The following TMEM244 variants were observed in gnomAD, a reference collection of about 807,000 sequenced individuals.
TMEM244 encodes the protein transmembrane protein 244.
In TMEM244, 13 loss-of-function variants were observed where a neutral mutation model predicts 15.8. That is an observed-to-expected ratio of 0.82 (90% CI 0.53 to 1.30). The LOEUF (loss-of-function observed/expected upper bound fraction) is 1.30, where lower values mean the gene tolerates loss of function less well. Ranked by LOEUF, TMEM244 falls within the 50% of genes most tolerant of loss-of-function variation. The pLI is 0.00. For missense variants in TMEM244, 161 were observed against 144.9 expected, an observed-to-expected ratio of 1.11 and a Z score of -0.57; for synonymous variants, 45 against 48.7, an observed-to-expected ratio of 0.92 and a Z score of 0.32.
chr6:129,853,124 A>T (rs913895467), intron 1 of TMEM244, among the ~76,000 whole-genome samples: 1 of 152,206 alleles, frequency 6.6e-6, no homozygotes, highest in Admixed American at 6.5e-5. Flanking sequence ...GGAAAACACA[A>T]GAACATCTCA....
At chr6:129,843,635 C>G (rs750173894) in intron 2 of TMEM244, 32 bp from the exon 3 acceptor site, 1 of 1,498,300 alleles carries the variant, frequency 6.7e-7, no homozygotes, top group East Asian at 2.3e-5. Flanking sequence ...ACAGTTTACT[C>G]TGAATGAGGC....
At chr6:129,841,392 C>T (rs971358290) in intron 3 of TMEM244, among the ~76,000 whole-genome samples, 4 of 127,008 alleles carry the variant, frequency 3.1e-5, no homozygotes, top group South Asian at 4.8e-4. Context: ...GGACACAGGG[C>T]GAGGAACATC....
intron 3 of TMEM244, among the ~76,000 whole-genome samples, chr6:129,839,987 GA>G (rs1385703151): frequency 5.9e-5 from 9 of 152,056 alleles, no homozygotes; most frequent in Non-Finnish European, 1.2e-4. Flanking sequence ...TCAGTATCGT[GA>G]AAATGGCCAT....
At chr6:129,851,629 C>G (rs1776638642) in intron 1 of TMEM244, among the ~76,000 whole-genome samples, 1 of 152,130 alleles carries the variant, frequency 6.6e-6, no homozygotes, top group Non-Finnish European at 1.5e-5. Flanking sequence ...GTGACTCAGA[C>G]AAGTTGAGTG....
intron 1 of TMEM244, among the ~76,000 whole-genome samples, chr6:129,849,062 A>T (rs534039272): frequency 2.6e-4 from 40 of 152,254 alleles, no homozygotes; most frequent in African/African-American, 9.6e-4. Context: ...AAACCTACAA[A>T]TAGTAAATCT....
chr6:129,842,670 T>C (rs1324275298), intron 3 of TMEM244, among the ~76,000 whole-genome samples: 2 of 151,998 alleles, frequency 1.3e-5, no homozygotes, highest in Non-Finnish European at 2.9e-5. Context: ...ATATTAAGAG[T>C]AATTACTGTA....
chr6:129,858,887 G>A (rs770634177), intron 1 of TMEM244, among the ~76,000 whole-genome samples: 2 of 151,544 alleles, frequency 1.3e-5, no homozygotes, highest in Middle Eastern at 3.4e-3. Flanking sequence ...TCTGCCTCCC[G>A]GCTTCAAGGA....
At position 129,831,457 on chromosome 6, in the gene TMEM244, G is replaced by A. The variant is rs1044046782; in HGVS notation, c.320-71C>T. 10 of 1,090,950 alleles carry A rather than the reference G, an allele frequency of 9.2e-6. No homozygotes were observed. In the Admixed American group the frequency reaches 1.1e-4, roughly 12 times the overall value. The allele number at this position is 1,090,950 out of a possible 1,614,324, so 67.6% of individuals were successfully genotyped here. A position where few individuals can be genotyped will look rare whatever the true frequency, so the allele number is the denominator to read the frequency against. Reference sequence around the variant, plus strand: ...ATTTTGCTCAAGAAGAAATACGTCTGTTTGGTCAAATTATATCCACTCAAC... The same window carrying A: ...ATTTTGCTCAAGAAGAAATACGTCTATTTGGTCAAATTATATCCACTCAAC... On this transcript the variant is annotated intron_variant, in intron 4 of 4. Transcript: ENST00000368143.
chr6:129,852,433 G>A (rs1294621479), intron 1 of TMEM244, among the ~76,000 whole-genome samples: 3 of 152,112 alleles, frequency 2.0e-5, no homozygotes, highest in African/African-American at 7.2e-5. Context: ...CAGACAGGAA[G>A]TATGATTCAT....
intron 1 of TMEM244, among the ~76,000 whole-genome samples, chr6:129,853,749 C>A (rs1353812134): frequency 6.6e-6 from 1 of 152,170 alleles, no homozygotes; most frequent in Admixed American, 6.5e-5. Flanking sequence ...CTTTTAGAAT[C>A]TCCCAAAAGC....
chr6:129,845,794 G>A lies in TMEM244; in HGVS notation c.92C>T (p.Ser31Phe), dbSNP rs777559831. ...AAACATCACGCAGCCCATGCTCAGG[G>A]ACACATAGTACACAGTGTAGAAAAG... Reference protein sequence around the residue: ...VILFYTVYYVSLSMGCVMFEV... With the variant: ...VILFYTVYYVFLSMGCVMFEV... The change falls in exon 2 of 5, where the codon TCC (serine) becomes TTC (phenylalanine). Residue 31 changes from serine to phenylalanine, a missense_variant. Transcript: ENST00000368143. 5.6e-6 allele frequency: 9 copies of A among 1,612,898 alleles called. No homozygotes were observed. Among genetic ancestry groups the A allele is most frequent in the Non-Finnish European group, 7.6e-6 (9 of 1,179,608 alleles).
intron 1 of TMEM244, among the ~76,000 whole-genome samples, chr6:129,851,561 C>A (rs934377712): frequency 6.6e-6 from 1 of 152,150 alleles, no homozygotes; most frequent in African/African-American, 2.4e-5. Context: ...TGAGTCACTG[C>A]GCCTGGCCTG....
chr6:129,859,412 G>T (rs1012506266), intron 1 of TMEM244, among the ~76,000 whole-genome samples: 7 of 152,192 alleles, frequency 4.6e-5, no homozygotes, highest in Non-Finnish European at 1.0e-4. Context: ...CACAGCAAAG[G>T]CTCCGTCCTA....
In TMEM244 at chr6:129,844,785, G is replaced by A. The variant is rs555095715; in HGVS notation, c.119+982C>T. 7.9e-5 allele frequency among the ~76,000 whole-genome samples: 12 copies of A among 152,274 alleles called. No individual in the cohort carries two copies. The South Asian group carries it at 1.7e-3, about 21-fold the overall frequency. On this transcript the variant is annotated intron_variant, in intron 2 of 4. Coordinates refer to ENST00000368143, the MANE Select transcript of TMEM244 (RefSeq NM_001010876.2). ...CACGTGAGCGCCAGATACTTCCTCCGTGGGCTTGCCTGCAAGCATGCTGAA... is the reference window on the plus strand; with the variant it reads ...CACGTGAGCGCCAGATACTTCCTCCATGGGCTTGCCTGCAAGCATGCTGAA...
chr6:129,838,179 A>C (rs1776435614), intron 3 of TMEM244, among the ~76,000 whole-genome samples: 1 of 152,090 alleles, frequency 6.6e-6, no homozygotes, highest in Admixed American at 6.5e-5. Flanking sequence ...GTAGTAAAAC[A>C]CTCCTCAGCA....
intron 1 of TMEM244, 37 bp downstream of exon 1, chr6:129,861,119 A>C: frequency 6.2e-7 from 1 of 1,610,588 alleles, no homozygotes; most frequent in Non-Finnish European, 8.5e-7. Flanking sequence ...GCTAGGCAGC[A>C]ACTGAAAGGC....
chr6:129,848,841 T>A (rs1776598236), intron 1 of TMEM244, among the ~76,000 whole-genome samples: 1 of 152,194 alleles, frequency 6.6e-6, no homozygotes, highest in Non-Finnish European at 1.5e-5. Flanking sequence ...ATTAATAGCC[T>A]CTAGATATTT....
chr6:129,833,370 G>A, intron 4 of TMEM244, 90 bp downstream of exon 4: 2 of 1,387,454 alleles, frequency 1.4e-6, no homozygotes, highest in Non-Finnish European at 1.9e-6. Flanking sequence ...ACAAGAATAT[G>A]CAGACAACAA....
chr6:129,855,265 G>A lies in TMEM244; in HGVS notation c.33+5891C>T, dbSNP rs554970197. Among the ~76,000 whole-genome samples the A allele has an allele frequency of 2.2e-4, 34 of 152,298 alleles. 1 individual carries two copies. Among genetic ancestry groups the A allele is most frequent in the African/African-American group, 7.9e-4 (33 of 41,570 alleles). ...GACACTATTGTTCTATCAAGTTAGCGAAGATAGTTTTTCTTTTTTTAAAAA... is the reference window on the plus strand; with the variant it reads ...GACACTATTGTTCTATCAAGTTAGCAAAGATAGTTTTTCTTTTTTTAAAAA... On this transcript the variant is annotated intron_variant, in intron 1 of 4. Transcript: ENST00000368143.
Sources: gnomAD v4.1 joint callset for allele counts (sites outside exome capture counted in the v4.1 genomes callset) on GRCh38, gnomAD v4.1.1 for gene constraint, MANE v1.5 for transcripts, NCBI Gene and HGNC (gene_info 2026-07-23, HGNC 2026-07-21) for gene names.